GRIK2: variants seen among roughly 807,000 people sequenced by gnomAD.
GRIK2 encodes glutamate receptor ionotropic, kainate 2.
A neutral mutation model predicts 100.3 loss-of-function variants in GRIK2; 32 were observed. The ratio of observed to expected loss-of-function variants is 0.32; its 90% CI spans 0.24 to 0.43. The LOEUF (loss-of-function observed/expected upper bound fraction) is 0.43, where lower values mean the gene tolerates loss of function less well. GRIK2 is among the 20% of genes least tolerant of loss of function. The pLI, the probability that GRIK2 is intolerant of heterozygous loss-of-function variation, is 1.00. For synonymous variants in GRIK2, 417 were observed against 389.4 expected (o/e 1.07, Z -0.83); for missense variants, 843 against 1,114.9 (o/e 0.76, Z 3.47).
At chr6:102,005,284 T>C (rs550698301) in intron 14 of GRIK2, among the ~76,000 whole-genome samples, 1 of 152,042 alleles carries the variant, frequency 6.6e-6, no homozygotes, top group South Asian at 2.1e-4. Context: ...AAAGAAGTTC[T>C]TTAAAATGCT....
At chr6:102,048,514 G>GA (rs972447339) in intron 15 of GRIK2, among the ~76,000 whole-genome samples, 120 of 152,008 alleles carry the variant, frequency 7.9e-4, no homozygotes, top group African/African-American at 2.8e-3. Flanking sequence ...TGAATAGCAA[G>GA]AAAAAATTAT....
intron 7 of GRIK2, among the ~76,000 whole-genome samples, chr6:101,709,286 T>C (rs1312870188): frequency 6.6e-6 from 1 of 151,736 alleles, no homozygotes; most frequent in Non-Finnish European, 1.5e-5. Context: ...TTGGACTTCT[T>C]GCCTCCAGAC....
intron 2 of GRIK2, among the ~76,000 whole-genome samples, chr6:101,586,868 C>T (rs1196319917): frequency 2.2e-5 from 2 of 90,930 alleles, no homozygotes; most frequent in Non-Finnish European, 2.0e-5. Context: ...ATAGTCTGGG[C>T]AAAAGAGCAA....
chr6:101,467,726 T>G (rs1771720555), intron 2 of GRIK2, among the ~76,000 whole-genome samples: 1 of 152,218 alleles, frequency 6.6e-6, no homozygotes, highest in African/African-American at 2.4e-5. Flanking sequence ...CCTTCTTGTA[T>G]TATTCAAGTT....
At chr6:101,531,174 G>A (rs1389214046) in intron 2 of GRIK2, among the ~76,000 whole-genome samples, 3 of 151,952 alleles carry the variant, frequency 2.0e-5, no homozygotes, top group East Asian at 1.9e-4. Context: ...TTAGAAATAC[G>A]GATCAAGAGC....
At chr6:101,560,888 A>G (rs1368989594) in intron 2 of GRIK2, among the ~76,000 whole-genome samples, 1 of 152,162 alleles carries the variant, frequency 6.6e-6, no homozygotes, top group African/African-American at 2.4e-5. Flanking sequence ...ATCCTACCAC[A>G]GTTAATGTTT....
At chr6:101,608,786 T>G (rs62421379) in intron 2 of GRIK2, among the ~76,000 whole-genome samples, 131 of 87,868 alleles carry the variant, frequency 1.5e-3, no homozygotes, top group African/African-American at 3.8e-3. Flanking sequence ...CATAGAGGGG[T>G]GTGTGTGTGT....
At chr6:101,942,025 A>T (rs1790985915) in intron 14 of GRIK2, among the ~76,000 whole-genome samples, 1 of 152,132 alleles carries the variant, frequency 6.6e-6, no homozygotes, top group Non-Finnish European at 1.5e-5. Flanking sequence ...TTAAATATTA[A>T]TTTCAGCTAG....
At chr6:101,999,560 G>A (rs918659821) in intron 14 of GRIK2, among the ~76,000 whole-genome samples, 12 of 151,908 alleles carry the variant, frequency 7.9e-5, no homozygotes, top group African/African-American at 7.3e-5. Flanking sequence ...TGTATCCTGA[G>A]ACATGTGTTA....
At chr6:101,589,663 T>G (rs1778548434) in intron 2 of GRIK2, among the ~76,000 whole-genome samples, 1 of 152,166 alleles carries the variant, frequency 6.6e-6, no homozygotes, top group East Asian at 1.9e-4. Flanking sequence ...GAGGCCATGT[T>G]GAGAACATTT....
chr6:101,885,903 T>C (rs981102999), intron 11 of GRIK2, among the ~76,000 whole-genome samples: 3 of 152,152 alleles, frequency 2.0e-5, no homozygotes, highest in Non-Finnish European at 4.4e-5. Context: ...GATGATTTAT[T>C]ATTGATACAT....
intron 7 of GRIK2, among the ~76,000 whole-genome samples, chr6:101,730,468 C>T (rs1775184055): frequency 1.3e-5 from 2 of 151,790 alleles, no homozygotes; most frequent in Admixed American, 6.6e-5. Context: ...TCCCTTTTTT[C>T]CCCACCAGTA....
intron 4 of GRIK2, among the ~76,000 whole-genome samples, chr6:101,660,970 G>C (rs1484022990): frequency 6.6e-6 from 1 of 152,164 alleles, no homozygotes; most frequent in African/African-American, 2.4e-5. Flanking sequence ...CCCACTTGAG[G>C]AGGCATTCTG....
At chr6:101,760,115 C>T (rs968788212) in intron 7 of GRIK2, among the ~76,000 whole-genome samples, 2 of 143,028 alleles carry the variant, frequency 1.4e-5, no homozygotes, top group African/African-American at 2.8e-5. Context: ...ATGATCCACC[C>T]GCCTCGGCCT....
chr6:101,789,420 A>C (rs962705660), intron 7 of GRIK2, among the ~76,000 whole-genome samples: 2 of 152,174 alleles, frequency 1.3e-5, no homozygotes, highest in Admixed American at 6.6e-5. Context: ...AGCTTTCTAC[A>C]TATGGCTAGC....
At chr6:101,971,801 T>C (rs546003010) in intron 14 of GRIK2, among the ~76,000 whole-genome samples, 7 of 152,068 alleles carry the variant, frequency 4.6e-5, no homozygotes, top group Non-Finnish European at 8.8e-5. Flanking sequence ...TTTATGACCA[T>C]GTATACTCAA....
intron 4 of GRIK2, among the ~76,000 whole-genome samples, chr6:101,654,938 G>A (rs114943514): frequency 2.6e-4 from 39 of 152,228 alleles, no homozygotes; most frequent in African/African-American, 8.4e-4. Flanking sequence ...AATTTTGTCA[G>A]GAAGTTTGCA....
chr6:101,606,572 T>A (rs1361466570), intron 2 of GRIK2, among the ~76,000 whole-genome samples: 1 of 152,008 alleles, frequency 6.6e-6, no homozygotes, highest in Non-Finnish European at 1.5e-5. Flanking sequence ...AAAGTTCAGT[T>A]GGCTAATAAT....
chr6:102,031,962 T>C (rs1770023820), intron 14 of GRIK2, among the ~76,000 whole-genome samples: 1 of 151,342 alleles, frequency 6.6e-6, no homozygotes, highest in African/African-American at 2.4e-5. Context: ...AGTCAATCTC[T>C]GAACTGGGCT....
Sources: allele counts gnomAD v4.1 joint callset (sites outside exome capture counted in the v4.1 genomes callset), GRCh38; gene constraint gnomAD v4.1.1; transcripts MANE v1.5; gene names NCBI Gene and HGNC (gene_info 2026-07-23, HGNC 2026-07-21).